CFAP58: variants seen among roughly 807,000 people sequenced by gnomAD.
CFAP58 encodes the protein cilia and flagella associated protein 58.
Under a neutral mutation model 119.5 loss-of-function variants are expected in CFAP58, and 88 were observed. The observed-to-expected ratio is 0.74, with a 90% CI of 0.62 to 0.88. CFAP58 has a LOEUF of 0.88. Ranked by LOEUF, CFAP58 falls within the 40% of genes least tolerant of loss-of-function variation. The pLI is 0.00. For synonymous variants in CFAP58, 365 were observed against 366.3 expected, an observed-to-expected ratio of 1.00 and a Z score of 0.04; for missense variants, 990 against 1,021.2, an observed-to-expected ratio of 0.97 and a Z score of 0.42.
At chr10:104,357,862 T>TATATGTACACAC (rs1564875644) in intron 1 of CFAP58, among the ~76,000 whole-genome samples, 1 of 124,074 alleles carries the variant, frequency 8.1e-6, no homozygotes, top group Non-Finnish European at 1.7e-5. Context: ...TATATACACA[T>TATATGTACACAC]ATATACACAT....
intron 15 of CFAP58, among the ~76,000 whole-genome samples, chr10:104,438,516 C>T (rs1363393658): frequency 1.3e-5 from 2 of 151,584 alleles, no homozygotes; most frequent in East Asian, 1.9e-4. Context: ...GCTGGGACTA[C>T]AGGCGCCCGC....
chr10:104,360,154 A>G (rs910530442), intron 2 of CFAP58, among the ~76,000 whole-genome samples: 1 of 152,224 alleles, frequency 6.6e-6, no homozygotes, highest in South Asian at 2.1e-4. Flanking sequence ...CCTAAAGCTT[A>G]TAGGTTCTTA....
intron 16 of CFAP58, 73 bp downstream of exon 16, chr10:104,447,890 C>T (rs1446578410): frequency 2.0e-5 from 29 of 1,486,724 alleles, no homozygotes; most frequent in African/African-American, 2.8e-5. Flanking sequence ...GACAAGTCCA[C>T]TGACTCCACA....
chr10:104,433,727 T>G (rs1411101657), intron 15 of CFAP58, among the ~76,000 whole-genome samples: 1 of 152,272 alleles, frequency 6.6e-6, no homozygotes, highest in African/African-American at 2.4e-5. Context: ...AACTTGAGTA[T>G]TTAATTCCAT....
intron 9 of CFAP58, among the ~76,000 whole-genome samples, chr10:104,383,864 T>C (rs1217228995): frequency 6.6e-6 from 1 of 152,100 alleles, no homozygotes; most frequent in Non-Finnish European, 1.5e-5. Flanking sequence ...CTGGGGAAGA[T>C]GTCATGAAAC....
chr10:104,438,365 T>G lies in CFAP58; in HGVS notation c.2257-9333T>G, dbSNP rs1208181416. Among the ~76,000 whole-genome samples, 590 of 126,122 alleles carry G rather than the reference T, an allele frequency of 4.7e-3. 13 individuals are homozygous for G. Among genetic ancestry groups the G allele is most frequent in the African/African-American group, 0.021 (544 of 26,478 alleles). The allele number at this position is 126,122 out of a possible 152,430, so 82.7% of individuals were successfully genotyped here. ...TGTTTTTTGTTTTTTTTTTTTGTTT[T>G]TTTTTTTTGTTTTTTTTTTTTGAGA... On this transcript the variant is annotated intron_variant, in intron 15 of 17. Coordinates refer to ENST00000369704, the MANE Select transcript of CFAP58 (RefSeq NM_001008723.2).
intron 15 of CFAP58, among the ~76,000 whole-genome samples, chr10:104,409,610 C>T (rs1467560420): frequency 6.6e-6 from 1 of 152,142 alleles, no homozygotes. Context: ...TTCTCTCTGA[C>T]ATTTTTCGCT....
At chr10:104,416,336 T>A (rs1343936998) in intron 15 of CFAP58, among the ~76,000 whole-genome samples, 1 of 152,170 alleles carries the variant, frequency 6.6e-6, no homozygotes, top group Non-Finnish European at 1.5e-5. Context: ...TCTTTTACAT[T>A]CACCTAGAGG....
intron 13 of CFAP58, among the ~76,000 whole-genome samples, 169 bp downstream of exon 13, chr10:104,401,072 T>C (rs940736341): frequency 6.6e-6 from 1 of 152,122 alleles, no homozygotes; most frequent in African/African-American, 2.4e-5. Flanking sequence ...TTCCATAACA[T>C]CTCCATTGTG....
intron 1 of CFAP58, among the ~76,000 whole-genome samples, chr10:104,356,449 G>A (rs563154321): frequency 6.6e-6 from 1 of 152,214 alleles, no homozygotes; most frequent in Non-Finnish European, 1.5e-5. Context: ...AGAGAGTGTT[G>A]ATGCCAAGGC....
chr10:104,412,589 C>T (rs927249923), intron 15 of CFAP58, among the ~76,000 whole-genome samples: 1 of 152,140 alleles, frequency 6.6e-6, no homozygotes, highest in Non-Finnish European at 1.5e-5. Flanking sequence ...GTTCTCTGTA[C>T]TCACAATAGA....
At chr10:104,412,962 A>G (rs2012485076) in intron 15 of CFAP58, among the ~76,000 whole-genome samples, 1 of 152,184 alleles carries the variant, frequency 6.6e-6, no homozygotes, top group Non-Finnish European at 1.5e-5. Flanking sequence ...CCGTAACTTA[A>G]CTTCTTCCTT....
At chr10:104,353,797 A>G (rs2014501287), upstream of CFAP58, 3 of 1,445,502 alleles carry the variant, frequency 2.1e-6, no homozygotes, top group Non-Finnish European at 2.8e-6. Flanking sequence ...GGGGCGGGCG[A>G]TAGAGACAGC....
At chr10:104,347,815 G>T in the CFAP58 span, among the ~76,000 whole-genome samples, 5 of 151,978 alleles carry the variant, frequency 3.3e-5, no homozygotes, top group African/African-American at 1.2e-4. Flanking sequence ...GTCTCTCAAG[G>T]GACCTGCCAC....
upstream of CFAP58, among the ~76,000 whole-genome samples, chr10:104,352,743 C>T: frequency 6.6e-6 from 1 of 152,198 alleles, no homozygotes; most frequent in East Asian, 1.9e-4. Flanking sequence ...GGCCTTGTTA[C>T]CTAACACCTG....
intron 15 of CFAP58, among the ~76,000 whole-genome samples, chr10:104,439,377 G>A (rs1196019048): frequency 2.6e-5 from 4 of 152,016 alleles, no homozygotes; most frequent in Admixed American, 1.3e-4. Flanking sequence ...ATAATATAAT[G>A]TTGTCAGTTA....
intron 8 of CFAP58, among the ~76,000 whole-genome samples, chr10:104,377,231 A>G (rs192821045): frequency 5.9e-5 from 9 of 152,352 alleles, no homozygotes; most frequent in Middle Eastern, 3.4e-3. Flanking sequence ...TTTAATATCT[A>G]TAATCGACAA....
rs1358437713 is a variant in CFAP58 at position 104,400,937 on chromosome 10, A to T, written c.2039+34A>T. On this transcript the variant is annotated intron_variant, in intron 13 of 17. Coordinates refer to ENST00000369704, the MANE Select transcript of CFAP58 (RefSeq NM_001008723.2). ...TTATAGAACTCAGGGCTGAAGGCAC[A>T]GTGCAACGTGGGGAGCTCCTAAAAT... 3 of 1,514,866 alleles carry T rather than the reference A, an allele frequency of 2.0e-6. No homozygotes were observed. In the South Asian group the frequency reaches 3.4e-5, roughly 17 times the overall value. The allele number at this position is 1,514,866 out of a possible 1,614,324, so 93.8% of individuals were successfully genotyped here.
At chr10:104,382,913 C>A (rs1345912431) in intron 9 of CFAP58, among the ~76,000 whole-genome samples, 1 of 152,166 alleles carries the variant, frequency 6.6e-6, no homozygotes, top group East Asian at 1.9e-4. Flanking sequence ...GACTAATGCA[C>A]ATGTCAGTGG....
Sources: gnomAD v4.1 joint callset for allele counts (sites outside exome capture counted in the v4.1 genomes callset) on GRCh38, gnomAD v4.1.1 for gene constraint, MANE v1.5 for transcripts, NCBI Gene and HGNC (gene_info 2026-07-23, HGNC 2026-07-21) for gene names.